Variants in DLGAP2 observed in about 807,000 individuals in gnomAD.
The protein encoded by DLGAP2 is disks large-associated protein 2.
DLGAP2 carries 26 observed loss-of-function variants against 100.3 expected under a neutral mutation model. The ratio of observed to expected loss-of-function variants is 0.26; its 90% CI spans 0.19 to 0.36. The LOEUF (loss-of-function observed/expected upper bound fraction) is 0.36, where lower values mean the gene tolerates loss of function less well. DLGAP2 is among the 10% of genes least tolerant of loss of function. DLGAP2 has a pLI of 1.00. For missense variants in DLGAP2, 1,858 were observed against 1,453.2 expected (o/e 1.28, Z -4.53); for synonymous variants, 886 against 630.1 (o/e 1.41, Z -6.08).
At chr8:822,415 T>C (rs1251228899) in intron 1 of DLGAP2, among the ~76,000 whole-genome samples, 1 of 152,206 alleles carries the variant, frequency 6.6e-6, no homozygotes, top group South Asian at 2.1e-4. Context: ...CTGCGGACAC[T>C]GTCCACAGCT....
intron 1 of DLGAP2, among the ~76,000 whole-genome samples, chr8:889,782 G>C (rs1245526716): frequency 6.6e-6 from 1 of 152,234 alleles, no homozygotes; most frequent in Non-Finnish European, 1.5e-5. Context: ...TGCAGCCAGT[G>C]CTGGTCACCC....
chr8:1,075,059 G>T (rs1030301932), intron 2 of DLGAP2, among the ~76,000 whole-genome samples: 3 of 152,150 alleles, frequency 2.0e-5, no homozygotes, highest in Non-Finnish European at 4.4e-5. Flanking sequence ...TGCAGCGGGG[G>T]GTGGGGACCA....
rs1415808916 is a variant in DLGAP2 at position 1,695,252 on chromosome 8, CAG to C, written c.2797-1894_2797-1893del. Reference sequence around the variant, plus strand: ...ACAGCCATGACCGGCCCTACAGAAACAGGGGGCACAGCCATGCCCGGCCCTAC... The same window carrying C: ...ACAGCCATGACCGGCCCTACAGAAACGGGGCACAGCCATGCCCGGCCCTAC... On this transcript the variant is annotated intron_variant, in intron 13 of 14. Coordinates refer to ENST00000637795, the MANE Select transcript of DLGAP2 (RefSeq NM_001346810.2). Among the ~76,000 whole-genome samples, 39 of 119,422 alleles carry C rather than the reference CAG, an allele frequency of 3.3e-4. No individual in the cohort carries two copies. In the East Asian group the frequency reaches 3.9e-3, roughly 12 times the overall value. 78.3% of individuals were successfully genotyped at this position (119,422 alleles called of 152,430 possible). A position where few individuals can be genotyped will look rare whatever the true frequency, so the allele number is the denominator to read the frequency against.
At chr8:1,206,930 G>C (rs977399182) in intron 2 of DLGAP2, among the ~76,000 whole-genome samples, 1 of 151,952 alleles carries the variant, frequency 6.6e-6, no homozygotes, top group Non-Finnish European at 1.5e-5. Flanking sequence ...AGTGTTCCTT[G>C]TCATCCATCT....
chr8:898,732 C>G (rs1431089881), intron 1 of DLGAP2, among the ~76,000 whole-genome samples: 1 of 152,212 alleles, frequency 6.6e-6, no homozygotes, highest in African/African-American at 2.4e-5. Flanking sequence ...CTTTATCTCA[C>G]AAAGCACGTG....
At chr8:1,013,315 C>T (rs183464465) in intron 2 of DLGAP2, among the ~76,000 whole-genome samples, 76 of 152,172 alleles carry the variant, frequency 5.0e-4, no homozygotes, top group African/African-American at 1.6e-3. Context: ...TTGAGCATCT[C>T]GTAGGTTGAT....
intron 12 of DLGAP2, among the ~76,000 whole-genome samples, chr8:1,687,258 A>G (rs1451222728): frequency 1.3e-5 from 2 of 152,238 alleles, no homozygotes; most frequent in African/African-American, 4.8e-5. Flanking sequence ...TACCAAATTT[A>G]GATAGAATTG....
At chr8:1,237,759 G>A in intron 2 of DLGAP2, among the ~76,000 whole-genome samples, 1 of 27,740 alleles carries the variant, frequency 3.6e-5, no homozygotes. Context: ...TCTCTCACAT[G>A]TTGCCGTGTC....
intron 2 of DLGAP2, among the ~76,000 whole-genome samples, chr8:1,001,761 C>T (rs1199325068): frequency 6.6e-6 from 1 of 152,124 alleles, no homozygotes; most frequent in African/African-American, 2.4e-5. Context: ...TTTGAATGTC[C>T]TTCCTCCACT....
At chr8:1,548,329 G>T (rs2404626) in intron 4 of DLGAP2, among the ~76,000 whole-genome samples, 3 of 33,610 alleles carry the variant, frequency 8.9e-5, no homozygotes, top group Non-Finnish European at 1.3e-4. Flanking sequence ...CGTGGTGGCA[G>T]GCGCCTGTAG....
intron 2 of DLGAP2, among the ~76,000 whole-genome samples, chr8:1,133,066 GAAGGACAGTTC>G (rs1796330557): frequency 6.6e-6 from 1 of 152,212 alleles, no homozygotes; most frequent in African/African-American, 2.4e-5. Context: ...CAGAGCCTGT[GAAGGACAGTTC>G]AAGGGCAGTT....
intron 2 of DLGAP2, among the ~76,000 whole-genome samples, chr8:973,992 A>G (rs887860387): frequency 6.6e-6 from 1 of 152,054 alleles, no homozygotes; most frequent in Non-Finnish European, 1.5e-5. Context: ...AGATTTTTTT[A>G]AAAATGGAAC....
At position 1,031,819 on chromosome 8, in the gene DLGAP2, G is replaced by A. The variant is rs868656718; in HGVS notation, c.73+123853G>A. ...ATAAAAATCATTATGATTCTTAGAA[G>A]ATCTCTTCAGTGCATTAAGCAGAAA... is the stretch of plus-strand genomic sequence containing the variant. On this transcript the variant is annotated intron_variant, in intron 2 of 14. Coordinates refer to ENST00000637795, the MANE Select transcript of DLGAP2 (RefSeq NM_001346810.2). Among the ~76,000 whole-genome samples, 28 of 152,312 alleles carry A rather than the reference G, an allele frequency of 1.8e-4. No homozygotes were observed. In the Middle Eastern group the frequency reaches 0.02, roughly 111 times the overall value.
chr8:1,521,734 GCTGATATGGGGCGTCTCTGGTTT>G (rs1800605433), intron 4 of DLGAP2, among the ~76,000 whole-genome samples: 3 of 23,764 alleles, frequency 1.3e-4, no homozygotes, highest in Non-Finnish European at 1.9e-4. Flanking sequence ...CTCGGGGGCA[GCTGATATGGGGCGTCTCTGGTTT>G]GCACACTTGT....
chr8:1,462,372 AG>A (rs1798484388), intron 3 of DLGAP2, among the ~76,000 whole-genome samples: 1 of 94,728 alleles, frequency 1.1e-5, no homozygotes, highest in African/African-American at 3.8e-5. Context: ...TTCAGTGACC[AG>A]GAGGAGGGAG....
chr8:1,244,401 G>A (rs1335340107), intron 2 of DLGAP2, among the ~76,000 whole-genome samples: 1 of 152,208 alleles, frequency 6.6e-6, no homozygotes, highest in Non-Finnish European at 1.5e-5. Context: ...GAGCTCCTGA[G>A]GAGGAAAGGC....
At chr8:1,413,029 T>G (rs548191744) in intron 3 of DLGAP2, among the ~76,000 whole-genome samples, 5 of 152,276 alleles carry the variant, frequency 3.3e-5, no homozygotes, top group African/African-American at 1.2e-4. Context: ...CCAGCTCAAG[T>G]GTCCCCTCCT....
chr8:1,289,344 T>G (rs941526825), intron 3 of DLGAP2, among the ~76,000 whole-genome samples: 4 of 152,244 alleles, frequency 2.6e-5, no homozygotes, highest in African/African-American at 9.6e-5. Flanking sequence ...AAGACACATT[T>G]AACAAGTCCT....
chr8:1,164,858 A>C (rs1796983502), intron 2 of DLGAP2, among the ~76,000 whole-genome samples: 1 of 152,178 alleles, frequency 6.6e-6, no homozygotes, highest in African/African-American at 2.4e-5. Flanking sequence ...TTGCTGAGAC[A>C]GCTCCAGTCT....
Sources: gnomAD v4.1 joint callset for allele counts (sites outside exome capture counted in the v4.1 genomes callset) on GRCh38, gnomAD v4.1.1 for gene constraint, MANE v1.5 for transcripts, NCBI Gene and HGNC (gene_info 2026-07-23, HGNC 2026-07-21) for gene names.